USP10: variants seen among roughly 807,000 people sequenced by gnomAD.
USP10 encodes the protein ubiquitin carboxyl-terminal hydrolase 10.
USP10 carries 22 observed loss-of-function variants against 84.5 expected under a neutral mutation model. That is an observed-to-expected ratio of 0.26 (90% CI 0.19 to 0.37). The LOEUF (loss-of-function observed/expected upper bound fraction) is 0.37, where lower values mean the gene tolerates loss of function less well. USP10 is among the 10% of genes least tolerant of loss of function. The probability of loss-of-function intolerance (pLI) is 1.00; values close to 1 mark genes in which losing one functional copy is unlikely to be tolerated. For synonymous variants in USP10, 454 were observed against 387.6 expected (o/e 1.17, Z -2.01); for missense variants, 1,019 against 998.9 (o/e 1.02, Z -0.27).
At chr16:84,733,934 T>C (rs932622211) in intron 2 of USP10, among the ~76,000 whole-genome samples, 2 of 152,250 alleles carry the variant, frequency 1.3e-5, no homozygotes, top group African/African-American at 4.8e-5. Context: ...AAGCTAACGT[T>C]GTATTCTTTA....
chr16:84,757,409 G>A (rs968099270), intron 4 of USP10, among the ~76,000 whole-genome samples: 1 of 72,024 alleles, frequency 1.4e-5, no homozygotes, highest in Non-Finnish European at 4.0e-5. Context: ...GGGGGTGTGT[G>A]TGTGTGTGTG....
chr16:84,755,375 C>T (rs1475981314), intron 4 of USP10, among the ~76,000 whole-genome samples: 3 of 151,822 alleles, frequency 2.0e-5, no homozygotes, highest in Non-Finnish European at 4.4e-5. Context: ...GCTCCTTGCA[C>T]CCATGATCCT....
chr16:84,701,631 C>T (rs188148539), intron 1 of USP10, among the ~76,000 whole-genome samples: 1 of 152,164 alleles, frequency 6.6e-6, no homozygotes, highest in Non-Finnish European at 1.5e-5. Flanking sequence ...AGGCATAGCT[C>T]ACTTCCTTTA....
At chr16:84,746,982 A>T (rs1445231924) in intron 4 of USP10, among the ~76,000 whole-genome samples, 2 of 152,252 alleles carry the variant, frequency 1.3e-5, no homozygotes, top group Non-Finnish European at 2.9e-5. Context: ...AAACTTAAAA[A>T]GTAAGACACA....
chr16:84,730,282 C>G (rs1030638456), intron 1 of USP10, among the ~76,000 whole-genome samples: 3 of 151,858 alleles, frequency 2.0e-5, no homozygotes, highest in Non-Finnish European at 4.4e-5. Flanking sequence ...CTCTATTTTC[C>G]TACCTTTTTT....
At chr16:84,716,825 T>C (rs374599866) in intron 1 of USP10, among the ~76,000 whole-genome samples, 1 of 152,240 alleles carries the variant, frequency 6.6e-6, no homozygotes, top group African/African-American at 2.4e-5. Context: ...AGTGACCGCA[T>C]GTCCTGGTCT....
chr16:84,749,055 A>G (rs929559191), intron 4 of USP10, among the ~76,000 whole-genome samples: 19 of 152,160 alleles, frequency 1.2e-4, no homozygotes, highest in Non-Finnish European at 2.4e-4. Context: ...GACAGAACGT[A>G]GTTGTTGACA....
intron 1 of USP10, among the ~76,000 whole-genome samples, chr16:84,723,360 A>G (rs1908058831): frequency 6.6e-6 from 1 of 152,184 alleles, no homozygotes; most frequent in South Asian, 2.1e-4. Flanking sequence ...TACTTTAAAA[A>G]TAAGTGTTAT....
chr16:84,720,576 A>ATTTTTTTTTTTTTTTTTTTTTTTTTTTT lies in USP10; in HGVS notation c.22-12836_22-12835insTTTTTTTTTTTTTTTTTTTTTTTTTTTT, dbSNP rs10699847. Among the ~76,000 whole-genome samples the ATTTTTTTTTTTTTTTTTTTTTTTTTTTT allele has an allele frequency of 1.5e-4, 13 of 88,354 alleles. 2 individuals are homozygous for ATTTTTTTTTTTTTTTTTTTTTTTTTTTT. The highest frequency in any genetic ancestry group is 4.9e-4 in the East Asian group (1 of 2,034). The allele number at this position is 88,354 out of a possible 152,430, so 58.0% of individuals were successfully genotyped here. ...ATGCAGAATAAAAAGATGATGCCCA[A>ATTTTTTTTTTTTTTTTTTTTTTTTTTTT]TTTTTTTTTTTTTTTTTTTTTTTGA... On this transcript the variant is annotated intron_variant, in intron 1 of 13. Transcript: ENST00000219473.
intron 1 of USP10, among the ~76,000 whole-genome samples, chr16:84,731,751 A>T (rs185602159): frequency 6.6e-6 from 1 of 151,130 alleles, no homozygotes; most frequent in African/African-American, 2.4e-5. Flanking sequence ...AATTTCCGCG[A>T]ACACTTTCAT....
At chr16:84,760,338 T>C in intron 8 of USP10, 63 bp downstream of exon 8, 1 of 1,413,474 alleles carries the variant, frequency 7.1e-7, no homozygotes, top group Admixed American at 2.0e-5. Flanking sequence ...GTTTGTGTGG[T>C]AACTGTTGCT....
At chr16:84,724,556 C>T (rs1908213023) in intron 1 of USP10, among the ~76,000 whole-genome samples, 1 of 152,172 alleles carries the variant, frequency 6.6e-6, no homozygotes, top group South Asian at 2.1e-4. Flanking sequence ...TTCTCAGGAC[C>T]TCTTTGCCCC....
chr16:84,724,080 T>A (rs1449477487), intron 1 of USP10, among the ~76,000 whole-genome samples: 2 of 152,238 alleles, frequency 1.3e-5, no homozygotes, highest in Non-Finnish European at 2.9e-5. Context: ...CTAATTTATC[T>A]GCTGTGTTTC....
At chr16:84,702,304 G>A (rs1904988378) in intron 1 of USP10, among the ~76,000 whole-genome samples, 1 of 151,806 alleles carries the variant, frequency 6.6e-6, no homozygotes. Flanking sequence ...TGATCCACCC[G>A]CCTCGGCCTC....
intron 9 of USP10, among the ~76,000 whole-genome samples, chr16:84,763,745 A>G (rs1330877632): frequency 6.6e-6 from 1 of 151,110 alleles, no homozygotes; most frequent in Non-Finnish European, 1.5e-5. Flanking sequence ...ATCCAGTGGC[A>G]TTGCGCCTGT....
chr16:84,726,387 G>A (rs1162189360), intron 1 of USP10, among the ~76,000 whole-genome samples: 1 of 152,170 alleles, frequency 6.6e-6, no homozygotes, highest in East Asian at 1.9e-4. Flanking sequence ...TTATTGCTGA[G>A]GGCAAGGTCT....
chr16:84,700,940 C>T (rs909703114), intron 1 of USP10, among the ~76,000 whole-genome samples: 2 of 151,988 alleles, frequency 1.3e-5, no homozygotes, highest in African/African-American at 4.8e-5. Context: ...TATAATTATT[C>T]TGGACAAAAA....
intron 8 of USP10, 128 bp downstream of exon 8, chr16:84,760,403 G>A (rs1913075062): frequency 1.3e-6 from 1 of 771,104 alleles, no homozygotes; most frequent in East Asian, 2.7e-5. Context: ...GTTTATAAGA[G>A]TCCATTGCTT....
chr16:84,776,583 G>C (rs1156289740), intron 13 of USP10, among the ~76,000 whole-genome samples: 2 of 152,156 alleles, frequency 1.3e-5, no homozygotes. Flanking sequence ...TTGGAGTGTG[G>C]CACCCAGGTC....
Sources: gnomAD v4.1 joint callset for allele counts (sites outside exome capture counted in the v4.1 genomes callset) on GRCh38, gnomAD v4.1.1 for gene constraint, MANE v1.5 for transcripts, NCBI Gene and HGNC (gene_info 2026-07-23, HGNC 2026-07-21) for gene names.